The following MEIS2 variants were observed in gnomAD, a reference collection of about 807,000 sequenced individuals.
MEIS2 encodes the protein Meis homeobox 2, also known as homeobox protein Meis2.
In MEIS2, 9 loss-of-function variants were observed where a neutral mutation model predicts 58.6. The observed-to-expected ratio is 0.15, with a 90% CI of 0.09 to 0.27. MEIS2 has a LOEUF of 0.27. MEIS2 is among the 10% of genes least tolerant of loss of function. The probability of loss-of-function intolerance (pLI) is 1.00; values close to 1 mark genes in which losing one functional copy is unlikely to be tolerated. For synonymous variants in MEIS2, 221 were observed against 228.4 expected (o/e 0.97, Z 0.29); for missense variants, 427 against 635.0 (o/e 0.67, Z 3.52).
At chr15:37,085,261 C>A (rs756247006) in intron 6 of MEIS2, among the ~76,000 whole-genome samples, 2 of 152,034 alleles carry the variant, frequency 1.3e-5, no homozygotes, top group African/African-American at 4.8e-5. Flanking sequence ...GACAGAGCCA[C>A]GTGGGTATAG....
chr15:37,098,316 A>C, intron 1 of MEIS2, 117 bp from the exon 2 acceptor site: 1 of 1,204,370 alleles, frequency 8.3e-7, no homozygotes, highest in Non-Finnish European at 1.1e-6. Flanking sequence ...GGAAGGGATA[A>C]AGATGAGAGA....
Position 36,974,860 on chromosome 15 carries a change from C to G in MEIS2, c.901-24460G>C, listed in dbSNP as rs150848329. Among the ~76,000 whole-genome samples the G allele has an allele frequency of 4.4e-3, 665 of 152,300 alleles. 3 individuals carry two copies. The highest frequency in any genetic ancestry group is 0.015 in the African/African-American group (627 of 41,566). On this transcript the variant is annotated intron_variant, in intron 8 of 11. Transcript: ENST00000561208. ...CACTCATCAGAATTGTTCTTGAAAC[C>G]CTTTGCATTTCAATCAGTGCAAAAT...
chr15:37,096,952 C>A (rs528030105), intron 2 of MEIS2, among the ~76,000 whole-genome samples: 1 of 152,350 alleles, frequency 6.6e-6, no homozygotes, highest in South Asian at 2.1e-4. Context: ...CAAGAGAATG[C>A]TCTTTTAATC....
intron 9 of MEIS2, among the ~76,000 whole-genome samples, chr15:36,925,483 AT>A (rs1183420116): frequency 6.7e-6 from 1 of 148,710 alleles, no homozygotes; most frequent in East Asian, 2.0e-4. Context: ...TTGTTTGGAT[AT>A]TTTTTCATTT....
intron 8 of MEIS2, among the ~76,000 whole-genome samples, chr15:36,954,673 A>G (rs903968348): frequency 6.6e-6 from 1 of 152,036 alleles, no homozygotes; most frequent in Non-Finnish European, 1.5e-5. Flanking sequence ...AGTCTGACTC[A>G]CTTGCTGGTC....
At chr15:37,096,703 T>G (rs1894298630) in intron 2 of MEIS2, among the ~76,000 whole-genome samples, 1 of 151,918 alleles carries the variant, frequency 6.6e-6, no homozygotes, top group African/African-American at 2.4e-5. Context: ...ACAGCCTCAG[T>G]TGGAACGTAA....
At chr15:36,973,588 A>G (rs1384824656) in intron 8 of MEIS2, among the ~76,000 whole-genome samples, 1 of 152,238 alleles carries the variant, frequency 6.6e-6, no homozygotes, top group Non-Finnish European at 1.5e-5. Flanking sequence ...CAAAGCGTTC[A>G]TCTATTTTAA....
intron 9 of MEIS2, among the ~76,000 whole-genome samples, chr15:36,928,352 G>A (rs2057831412): frequency 6.6e-6 from 1 of 152,116 alleles, no homozygotes; most frequent in African/African-American, 2.4e-5. Flanking sequence ...ACTTTTTGGA[G>A]CTCCTACCAA....
intron 8 of MEIS2, among the ~76,000 whole-genome samples, chr15:36,988,106 A>G (rs913308792): frequency 7.2e-5 from 11 of 152,230 alleles, no homozygotes; most frequent in African/African-American, 2.7e-4. Context: ...TGCCAGGAGT[A>G]GATTTGAGGT....
intron 8 of MEIS2, among the ~76,000 whole-genome samples, chr15:37,033,877 C>A (rs1211298889): frequency 1.3e-5 from 2 of 152,094 alleles, no homozygotes; most frequent in Admixed American, 1.3e-4. Flanking sequence ...ACAGGACCAT[C>A]CTCATCAAAG....
chr15:37,087,577 CA>C (rs1463261674), intron 6 of MEIS2, among the ~76,000 whole-genome samples: 1 of 151,022 alleles, frequency 6.6e-6, no homozygotes, highest in Non-Finnish European at 1.5e-5. Flanking sequence ...ACAATTGTGC[CA>C]GTGTTTTCTC....
At chr15:36,894,194 T>C (rs1262095268) in intron 11 of MEIS2, among the ~76,000 whole-genome samples, 3 of 152,186 alleles carry the variant, frequency 2.0e-5, no homozygotes, top group Non-Finnish European at 4.4e-5. Context: ...ACCGACTCCC[T>C]AGTGAAGAAT....
chr15:36,966,746 G>T (rs2059372150), intron 8 of MEIS2, among the ~76,000 whole-genome samples: 1 of 152,198 alleles, frequency 6.6e-6, no homozygotes, highest in African/African-American at 2.4e-5. Flanking sequence ...CTCTCTGGGG[G>T]TAACAAACTT....
intron 8 of MEIS2, among the ~76,000 whole-genome samples, chr15:36,999,427 G>GT (rs1486167901): frequency 6.6e-6 from 1 of 152,164 alleles, no homozygotes. Context: ...ATGACACTTA[G>GT]TTTGCCTGCC....
chr15:37,062,098 T>C (rs1889294930), intron 7 of MEIS2, among the ~76,000 whole-genome samples: 1 of 152,172 alleles, frequency 6.6e-6, no homozygotes, highest in East Asian at 1.9e-4. Context: ...CAAGTTATAA[T>C]AAAAGACTCA....
chr15:36,968,786 T>C (rs1306693710), intron 8 of MEIS2, among the ~76,000 whole-genome samples: 1 of 152,332 alleles, frequency 6.6e-6, no homozygotes, highest in African/African-American at 2.4e-5. Context: ...ATATACATTA[T>C]AGTACTTGCA....
intron 8 of MEIS2, among the ~76,000 whole-genome samples, chr15:37,027,755 T>C (rs1318873919): frequency 6.6e-6 from 1 of 152,154 alleles, no homozygotes; most frequent in Non-Finnish European, 1.5e-5. Context: ...TTTCATTCAA[T>C]TCCTTTTTTT....
At chr15:37,027,381 C>T (rs902876224) in intron 8 of MEIS2, among the ~76,000 whole-genome samples, 4 of 152,206 alleles carry the variant, frequency 2.6e-5, no homozygotes, top group Non-Finnish European at 2.9e-5. Flanking sequence ...ACCCAGTCAA[C>T]TTACCCTGTA....
chr15:37,033,357 C>A (rs2062008615), intron 8 of MEIS2, among the ~76,000 whole-genome samples: 1 of 152,150 alleles, frequency 6.6e-6, no homozygotes. Context: ...GGGGGCAAAG[C>A]CTTGGCAGCC....
Sources: allele counts gnomAD v4.1 joint callset (sites outside exome capture counted in the v4.1 genomes callset), GRCh38; gene constraint gnomAD v4.1.1; transcripts MANE v1.5; gene names NCBI Gene and HGNC (gene_info 2026-07-23, HGNC 2026-07-21).